Variants in CNTNAP5 observed in about 807,000 individuals in gnomAD.
CNTNAP5 encodes the protein contactin associated protein family member 5.
In CNTNAP5, 72 loss-of-function variants were observed where a neutral mutation model predicts 150.2. That is an observed-to-expected ratio of 0.48 (90% CI 0.40 to 0.58). CNTNAP5 has a LOEUF of 0.58. Ranked by LOEUF, CNTNAP5 falls within the 20% of genes least tolerant of loss-of-function variation. The pLI is 0.00. For synonymous variants in CNTNAP5, 672 were observed against 619.8 expected (o/e 1.08, Z -1.25); for missense variants, 1,636 against 1,626.2 (o/e 1.01, Z -0.10).
At chr2:124,823,379 A>C (rs912841315) in intron 19 of CNTNAP5, among the ~76,000 whole-genome samples, 1 of 152,170 alleles carries the variant, frequency 6.6e-6, no homozygotes, top group African/African-American at 2.4e-5. Context: ...AACCATTATC[A>C]AATGCTTTGT....
chr2:124,713,359 CTTT>C (rs1679876069), intron 13 of CNTNAP5, among the ~76,000 whole-genome samples: 1 of 122,474 alleles, frequency 8.2e-6, no homozygotes, highest in South Asian at 2.7e-4. Context: ...TTCTTTCTTT[CTTT>C]CTTTCTTTCT....
At chr2:124,811,908 C>T (rs1194136937) in intron 19 of CNTNAP5, among the ~76,000 whole-genome samples, 1 of 139,156 alleles carries the variant, frequency 7.2e-6, no homozygotes, top group Non-Finnish European at 1.5e-5. Flanking sequence ...TGCCACCGCA[C>T]TCCAGCCTGG....
intron 13 of CNTNAP5, among the ~76,000 whole-genome samples, chr2:124,706,998 G>A (rs1310282867): frequency 6.3e-4 from 31 of 49,400 alleles, no homozygotes; most frequent in East Asian, 1.9e-3. Flanking sequence ...AAGGAGAAGA[G>A]GAAGAAGAAG....
intron 4 of CNTNAP5, among the ~76,000 whole-genome samples, chr2:124,420,378 C>T (rs936318796): frequency 2.6e-5 from 4 of 152,012 alleles, no homozygotes; most frequent in African/African-American, 9.7e-5. Context: ...TAGCAACTAC[C>T]TCTCCTTTTC....
chr2:124,474,910 A>G, intron 7 of CNTNAP5, 28 bp downstream of exon 7: 2 of 1,579,166 alleles, frequency 1.3e-6, no homozygotes, highest in South Asian at 1.2e-5. Context: ...TTTTGTCTTG[A>G]TGGTTTCTAC....
Position 124,384,259 on chromosome 2 carries a change from G to A in CNTNAP5, c.382-33184G>A, listed in dbSNP as rs957005794. Among the ~76,000 whole-genome samples, 4 of 152,200 alleles carry A rather than the reference G, an allele frequency of 2.6e-5. No individual in the cohort carries two copies. The East Asian group carries it at 5.8e-4, about 22-fold the overall frequency. On this transcript the variant is annotated intron_variant, in intron 3 of 23. Transcript: ENST00000682447. ...CAGAAGCGTGAGGATCCTTGGCTAT[G>A]TCCAGTTCACACGGTCACATTGCAC...
At chr2:124,153,478 G>A (rs548924106) in intron 1 of CNTNAP5, among the ~76,000 whole-genome samples, 3 of 152,102 alleles carry the variant, frequency 2.0e-5, no homozygotes, top group African/African-American at 7.2e-5. Context: ...TCTGGAGGAT[G>A]GATGTCCAAT....
intron 11 of CNTNAP5, among the ~76,000 whole-genome samples, chr2:124,603,793 A>G (rs1697037495): frequency 6.6e-6 from 1 of 152,182 alleles, no homozygotes; most frequent in Non-Finnish European, 1.5e-5. Context: ...ACATACATAC[A>G]TATATACATA....
chr2:124,285,365 C>T (rs886098367), intron 3 of CNTNAP5, among the ~76,000 whole-genome samples: 3 of 152,098 alleles, frequency 2.0e-5, no homozygotes, highest in Admixed American at 2.0e-4. Context: ...GCGAGATTAA[C>T]TATATACTAT....
In CNTNAP5 at chr2:124,891,105, G is replaced by T. The variant is rs1279325968; in HGVS notation, c.3437-11777G>T. 2.3e-4 allele frequency among the ~76,000 whole-genome samples: 35 copies of T among 152,122 alleles called. 1 individual carries two copies. Among genetic ancestry groups the T allele is most frequent in the Non-Finnish European group, 4.9e-4 (33 of 68,012 alleles). On this transcript the variant is annotated intron_variant, in intron 21 of 23. Coordinates refer to ENST00000682447, the MANE Select transcript of CNTNAP5 (RefSeq NM_001367498.1). ...ATCTCACCATTTTGTGGGTTAGAAAGTTAGGCGGATCCTACTAGAGTTCTT... is the reference window on the plus strand; with the variant it reads ...ATCTCACCATTTTGTGGGTTAGAAATTTAGGCGGATCCTACTAGAGTTCTT...
chr2:124,856,945 T>A (rs897430055), intron 19 of CNTNAP5, among the ~76,000 whole-genome samples: 1 of 152,180 alleles, frequency 6.6e-6, no homozygotes, highest in African/African-American at 2.4e-5. Flanking sequence ...GGGTCAAACC[T>A]GCAGGGAGGC....
intron 13 of CNTNAP5, among the ~76,000 whole-genome samples, chr2:124,674,860 A>G (rs981087856): frequency 2.6e-5 from 4 of 151,850 alleles, no homozygotes; most frequent in African/African-American, 9.7e-5. Context: ...AATGATTTTA[A>G]TCGTTATAAA....
At chr2:124,689,746 A>G (rs1220099689) in intron 13 of CNTNAP5, among the ~76,000 whole-genome samples, 1 of 152,058 alleles carries the variant, frequency 6.6e-6, no homozygotes, top group Non-Finnish European at 1.5e-5. Context: ...AAAACACTTC[A>G]ATCTCTATTT....
chr2:124,412,705 C>T (rs2104771713), intron 3 of CNTNAP5, among the ~76,000 whole-genome samples: 1 of 116,400 alleles, frequency 8.6e-6, no homozygotes, highest in East Asian at 3.0e-4. Flanking sequence ...GGATCCCTTC[C>T]TTACACCTTA....
intron 19 of CNTNAP5, among the ~76,000 whole-genome samples, chr2:124,812,195 A>C: frequency 7.7e-6 from 1 of 130,538 alleles, no homozygotes; most frequent in East Asian, 2.1e-4. Context: ...TATATATAAA[A>C]CAAATGATTC....
At chr2:124,811,744 C>T (rs62171356) in intron 19 of CNTNAP5, among the ~76,000 whole-genome samples, 10,092 of 147,706 alleles carry the variant, frequency 0.068, 620 homozygotes, top group African/African-American at 0.16. Context: ...AGTTCGAGAC[C>T]AGCCTGGCCA....
intron 3 of CNTNAP5, among the ~76,000 whole-genome samples, chr2:124,265,492 C>T (rs933127964): frequency 6.6e-6 from 1 of 152,114 alleles, no homozygotes; most frequent in Non-Finnish European, 1.5e-5. Context: ...TCACACTAGC[C>T]ATTCTTAGAA....
At chr2:124,867,993 A>T (rs537705215) in intron 20 of CNTNAP5, among the ~76,000 whole-genome samples, 2 of 152,264 alleles carry the variant, frequency 1.3e-5, no homozygotes, top group East Asian at 1.9e-4. Context: ...TAGTTTCAAA[A>T]TTGTGGTATT....
intron 12 of CNTNAP5, among the ~76,000 whole-genome samples, chr2:124,645,519 G>A (rs1678185174): frequency 6.6e-6 from 1 of 152,106 alleles, no homozygotes; most frequent in Non-Finnish European, 1.5e-5. Context: ...AGTGAGCCAC[G>A]ATCGTGCCAC....
Sources: gnomAD v4.1 joint callset for allele counts (sites outside exome capture counted in the v4.1 genomes callset) on GRCh38, gnomAD v4.1.1 for gene constraint, MANE v1.5 for transcripts, NCBI Gene and HGNC (gene_info 2026-07-23, HGNC 2026-07-21) for gene names.